Variants in FAM229A observed in about 807,000 individuals in gnomAD.
FAM229A encodes the protein protein FAM229A.
A neutral mutation model predicts 10.0 loss-of-function variants in FAM229A; 9 were observed. The observed-to-expected ratio is 0.90, with a 90% CI of 0.54 to 1.56. FAM229A has a LOEUF of 1.56. Ranked by LOEUF, FAM229A falls within the 40% of genes most tolerant of loss-of-function variation. The pLI is 0.00. For synonymous variants in FAM229A, 93 were observed against 90.1 expected (o/e 1.03, Z -0.19); for missense variants, 196 against 197.6 (o/e 0.99, Z 0.05).
In FAM229A at chr1:32,362,199, G is replaced by A. The variant is rs1641715404; in HGVS notation, c.-108C>T. 7.9e-7 allele frequency: 1 copy of A among 1,272,324 alleles called. No homozygotes were observed. The highest frequency in any genetic ancestry group is 2.5e-5 in the South Asian group (1 of 40,266). The allele number at this position is 1,272,324 out of a possible 1,614,324, so 78.8% of individuals were successfully genotyped here. ...TGGCACTCAGCGCGGGCCAGAATCG[G>A]GGACTGGAGGCCTCTGGCCATGGCG... On this transcript the variant is annotated 5_prime_UTR_variant, in exon 1 of 3. Coordinates refer to ENST00000432622, the MANE Select transcript of FAM229A (RefSeq NM_001167676.2).
In FAM229A at chr1:32,362,058, C is replaced by A; in HGVS notation, c.34G>T (p.Ala12Ser). Residue 12 changes from alanine to serine, a missense_variant, in exon 1 of 3, where the codon GCC (alanine) becomes TCC (serine). Transcript: ENST00000432622. ...GGCGGAGCCGGGCAGGTCTCTGTGGCGTGCCCGGGCCCGGGCGTCGAGGAG... is the reference window on the plus strand; with the variant it reads ...GGCGGAGCCGGGCAGGTCTCTGTGGAGTGCCCGGGCCCGGGCGTCGAGGAG... ...LPSSTPGPGH[A>S]TETCPAPPGP... is the part of the protein sequence containing the mutation. The A allele has an allele frequency of 6.9e-7, 1 of 1,442,246 alleles. No homozygotes were observed. The allele number at this position is 1,442,246 out of a possible 1,614,324, so 89.3% of individuals were successfully genotyped here. A position where few individuals can be genotyped will look rare whatever the true frequency, so the allele number is the denominator to read the frequency against.
Position 32,362,449 on chromosome 1 carries a change from A to G in FAM229A, c.-358T>C. ...TTTGGTGGTGGTAGTGAGGGCAGGT[A>G]GGGGCACTGCCCATTTTGGCCAAGG... On this transcript the variant is annotated 5_prime_UTR_variant, in exon 1 of 3. Coordinates refer to ENST00000432622, the MANE Select transcript of FAM229A (RefSeq NM_001167676.2). 2 of 534,698 alleles carry G rather than the reference A, an allele frequency of 3.7e-6. No individual in the cohort carries two copies. The highest frequency in any genetic ancestry group is 3.0e-5 in the South Asian group (1 of 33,522). 33.1% of individuals were successfully genotyped at this position (534,698 alleles called of 1,614,324 possible). A position where few individuals can be genotyped will look rare whatever the true frequency, so the allele number is the denominator to read the frequency against.
Position 32,362,266 on chromosome 1 carries a change from G to A in FAM229A, c.-175C>T, listed in dbSNP as rs1472785265. ...CGCAGACCCCGGACACCCGAGGGGG[G>A]CGCAGCAGGCCAGGGCAACCCGCCG... On this transcript the variant is annotated 5_prime_UTR_variant, in exon 1 of 3. Transcript: ENST00000432622. 5 of 937,530 alleles carry A rather than the reference G, an allele frequency of 5.3e-6. No individual in the cohort carries two copies. Among genetic ancestry groups the A allele is most frequent in the South Asian group, 3.7e-5 (1 of 26,890 alleles). The allele number at this position is 937,530 out of a possible 1,614,324, so 58.1% of individuals were successfully genotyped here.
In FAM229A at chr1:32,362,134, C is replaced by T; in HGVS notation, c.-43G>A. 7.5e-7 allele frequency: 1 copy of T among 1,325,864 alleles called. No individual in the cohort carries two copies. Among genetic ancestry groups the T allele is most frequent in the Non-Finnish European group, 9.6e-7 (1 of 1,039,476 alleles). The allele number at this position is 1,325,864 out of a possible 1,614,324, so 82.1% of individuals were successfully genotyped here. ...CGCGCTGACCTCACAGAGCACGTTC[C>T]TCCCACTGGAGAACCCCCAACGGTG... On this transcript the variant is annotated 5_prime_UTR_variant, in exon 1 of 3. Transcript: ENST00000432622.
rs1553161421 is a variant in FAM229A, at chr1:32,361,272, G to GAATAAAGTGGAAT, written c.*160_*161insATTCCACTTTATT. 2.4e-6 allele frequency: 1 copy of GAATAAAGTGGAAT among 414,230 alleles called. No individual in the cohort carries two copies. The highest frequency in any genetic ancestry group is 4.1e-6 in the Non-Finnish European group (1 of 241,618). The allele number at this position is 414,230 out of a possible 1,614,324, so 25.7% of individuals were successfully genotyped here. ...AGACATACACTGCCAGCCCGGAGTG[G>GAATAAAGTGGAAT]AAAGAACAGTTTGTGCTGTGCTTTA... On this transcript the variant is annotated 3_prime_UTR_variant, in exon 3 of 3. Transcript: ENST00000432622.
chr1:32,361,884 G>A lies in FAM229A; in HGVS notation c.135-8C>T. Reference sequence around the variant, plus strand: ...TCCAAGCCCCGGGGCGCTCTGCGCGGGGAGTGGCGGTCAGGCCTCTCCCGG... The same window carrying A: ...TCCAAGCCCCGGGGCGCTCTGCGCGAGGAGTGGCGGTCAGGCCTCTCCCGG... On this transcript the variant is annotated splice_region_variant and splice_polypyrimidine_tract_variant and intron_variant, in intron 1 of 2. Coordinates refer to ENST00000432622, the MANE Select transcript of FAM229A (RefSeq NM_001167676.2). 9 of 1,345,652 alleles carry A rather than the reference G, an allele frequency of 6.7e-6. No homozygotes were observed. The highest frequency in any genetic ancestry group is 8.5e-6 in the Non-Finnish European group (9 of 1,053,190). The allele number at this position is 1,345,652 out of a possible 1,614,324, so 83.4% of individuals were successfully genotyped here. A position where few individuals can be genotyped will look rare whatever the true frequency, so the allele number is the denominator to read the frequency against.
Position 32,361,941 on chromosome 1 carries a change from C to A in FAM229A, c.134+17G>T, listed in dbSNP as rs1397786401. On this transcript the variant is annotated intron_variant, in intron 1 of 2. Transcript: ENST00000432622. The stretch of plus-strand genomic sequence containing the variant: ...GGGCGCCGCCGCCTCGCGCCCGCCC[C>A]CTGGGCCGTCGCTCACCTCCCGGCG... The A allele has an allele frequency of 2.8e-6, 4 of 1,445,712 alleles. No individual in the cohort carries two copies. In the South Asian group the frequency reaches 4.1e-5, roughly 15 times the overall value. The allele number at this position is 1,445,712 out of a possible 1,614,324, so 89.6% of individuals were successfully genotyped here. A position where few individuals can be genotyped will look rare whatever the true frequency, so the allele number is the denominator to read the frequency against.
At position 32,361,820 on chromosome 1, in the gene FAM229A, G is replaced by A; in HGVS notation, c.191C>T (p.Pro64Leu). Reference protein sequence around the residue: ...AQEPPQGRRFPIEAGDSRGLA... With the variant: ...AQEPPQGRRFLIEAGDSRGLA... ...GCCACGGGAGTCTCCGGCCTCAATG[G>A]GGAATCTCCGACCCTGCGGGGGCTC... The change falls in exon 2 of 3, where the codon CCC becomes CTC. Residue 64 changes from proline to leucine, a missense_variant. By Grantham distance (98) the Pro-to-Leu change is moderately conservative. Transcript: ENST00000432622. The A allele has an allele frequency of 3.2e-5, 42 of 1,330,950 alleles. No homozygotes were observed. The highest frequency in any genetic ancestry group is 3.8e-5 in the Non-Finnish European group (40 of 1,043,846). The allele number at this position is 1,330,950 out of a possible 1,614,324, so 82.4% of individuals were successfully genotyped here.
chr1:32,361,628 G>A, intron 2 of FAM229A, 93 bp from the exon 3 acceptor site: 1 of 1,252,946 alleles, frequency 8.0e-7, no homozygotes, highest in Non-Finnish European at 1.0e-6. Context: ...GGTCCCCGGG[G>A]GTCCGGACGT....
chr1:32,361,804 G>C lies in FAM229A; in HGVS notation c.207C>G (p.Asp69Glu). ...CGGGGGCGGCGGCAAGGCCACGGGA[G>C]TCTCCGGCCTCAATGGGGAATCTCC... ...QGRRFPIEAG[D>E]SRGLAAAPES... is the part of the protein sequence containing the mutation. Residue 69 changes from aspartate to glutamate, a missense_variant, in exon 2 of 3, where the codon GAC becomes GAG. Coordinates refer to ENST00000432622, the MANE Select transcript of FAM229A (RefSeq NM_001167676.2). 7 of 1,329,414 alleles carry C rather than the reference G, an allele frequency of 5.3e-6. No individual in the cohort carries two copies. The highest frequency in any genetic ancestry group is 6.7e-6 in the Non-Finnish European group (7 of 1,042,890). 82.4% of individuals were successfully genotyped at this position (1,329,414 alleles called of 1,614,324 possible).
chr1:32,362,264 G>A lies in FAM229A; in HGVS notation c.-173C>T. 1.1e-6 allele frequency: 1 copy of A among 945,430 alleles called. No individual in the cohort carries two copies. Among genetic ancestry groups the A allele is most frequent in the Non-Finnish European group, 1.4e-6 (1 of 713,628 alleles). The allele number at this position is 945,430 out of a possible 1,614,324, so 58.6% of individuals were successfully genotyped here. A position where few individuals can be genotyped will look rare whatever the true frequency, so the allele number is the denominator to read the frequency against. ...CGCGCAGACCCCGGACACCCGAGGG[G>A]GGCGCAGCAGGCCAGGGCAACCCGC... is the stretch of plus-strand genomic sequence containing the variant. On this transcript the variant is annotated 5_prime_UTR_variant, in exon 1 of 3. Coordinates refer to ENST00000432622, the MANE Select transcript of FAM229A (RefSeq NM_001167676.2).
At position 32,362,419 on chromosome 1, in the gene FAM229A, C is replaced by T. The variant is rs1641719949; in HGVS notation, c.-328G>A. 2.0e-6 allele frequency: 1 copy of T among 488,024 alleles called. No homozygotes were observed. The highest frequency in any genetic ancestry group is 3.7e-5 in the Admixed American group (1 of 27,332). The allele number at this position is 488,024 out of a possible 1,614,324, so 30.2% of individuals were successfully genotyped here. A position where few individuals can be genotyped will look rare whatever the true frequency, so the allele number is the denominator to read the frequency against. ...GGGCTCGGCGGTGACTTAATCCGGG[C>T]TGAGTTTGGTGGTGGTAGTGAGGGC... On this transcript the variant is annotated 5_prime_UTR_variant, in exon 1 of 3. Transcript: ENST00000432622.
chr1:32,361,612 ACCTGGGGTCC>A, intron 2 of FAM229A, 77 bp from the exon 3 acceptor site: 1 of 1,245,400 alleles, frequency 8.0e-7, no homozygotes, highest in Non-Finnish European at 1.0e-6. Context: ...CAGGGAGTGC[ACCTGGGGTCC>A]CCGGGGGTCC....
At chr1:32,361,704 A>C (rs1156432218) in intron 2 of FAM229A, 26 bp downstream of exon 2, 4 of 1,053,210 alleles carry the variant, frequency 3.8e-6, no homozygotes, top group Admixed American at 1.2e-4. Flanking sequence ...GGACGGGCGG[A>C]GGCGGGGGTG....
intron 2 of FAM229A, 56 bp from the exon 3 acceptor site, chr1:32,361,591 T>TG (rs1228059192): frequency 7.9e-7 from 1 of 1,271,580 alleles, no homozygotes; most frequent in African/African-American, 1.6e-5. Flanking sequence ...GCCCATCCTG[T>TG]GGGGCGCACC....
chr1:32,361,408 G>C lies in FAM229A; in HGVS notation c.*25C>G. 8.0e-7 allele frequency: 1 copy of C among 1,250,774 alleles called. No homozygotes were observed. The highest frequency in any genetic ancestry group is 1.0e-6 in the Non-Finnish European group (1 of 986,552). The allele number at this position is 1,250,774 out of a possible 1,614,324, so 77.5% of individuals were successfully genotyped here. ...GGGGCCTCGTTCCCGCCCAGCTCCC[G>C]CGGAGCCGCAGGGAGCAGGCGCACT... On this transcript the variant is annotated 3_prime_UTR_variant, in exon 3 of 3. Coordinates refer to ENST00000432622, the MANE Select transcript of FAM229A (RefSeq NM_001167676.2).
In FAM229A at chr1:32,361,779, CG is replaced by C. The variant is rs1359343543; in HGVS notation, c.231del (p.Glu78SerfsTer9). ...AGDSRGLAAA[P>X]ESQDSPEAVA... is the part of the protein sequence containing the mutation. The stretch of plus-strand genomic sequence containing the variant: ...ACCGCCTCCGGGCTGTCCTGGGACT[CG>C]GGGGCGGCGGCAAGGCCACGGGAGT... On this transcript the variant is annotated frameshift_variant, in exon 2 of 3. Coordinates refer to ENST00000432622, the MANE Select transcript of FAM229A (RefSeq NM_001167676.2). LOFTEE classifies it high-confidence loss of function. The C allele has an allele frequency of 3.8e-6, 5 of 1,323,094 alleles. No individual in the cohort carries two copies. Among genetic ancestry groups the C allele is most frequent in the Admixed American group, 4.1e-5 (1 of 24,170 alleles). 82.0% of individuals were successfully genotyped at this position (1,323,094 alleles called of 1,614,324 possible). A position where few individuals can be genotyped will look rare whatever the true frequency, so the allele number is the denominator to read the frequency against.
Position 32,362,166 on chromosome 1 carries a change from G to A in FAM229A, c.-75C>T. On this transcript the variant is annotated 5_prime_UTR_variant, in exon 1 of 3. It introduces an in-frame stop codon into an upstream open reading frame of the 5' UTR. Coordinates refer to ENST00000432622, the MANE Select transcript of FAM229A (RefSeq NM_001167676.2). ...TGGAGAACCCCCAACGGTGCCCCCTGCCGCCCCTGGCACTCAGCGCGGGCC... is the reference window on the plus strand; with the variant it reads ...TGGAGAACCCCCAACGGTGCCCCCTACCGCCCCTGGCACTCAGCGCGGGCC... 7.7e-7 allele frequency: 1 copy of A among 1,298,306 alleles called. No individual in the cohort carries two copies. The highest frequency in any genetic ancestry group is 2.3e-5 in the South Asian group (1 of 44,026). The allele number at this position is 1,298,306 out of a possible 1,614,324, so 80.4% of individuals were successfully genotyped here.
Position 32,361,422 on chromosome 1 carries a change from A to G in FAM229A, c.*11T>C, listed in dbSNP as rs1641699950. 7.6e-7 allele frequency: 1 copy of G among 1,315,140 alleles called. No individual in the cohort carries two copies. The highest frequency in any genetic ancestry group is 9.7e-7 in the Non-Finnish European group (1 of 1,030,050). 81.5% of individuals were successfully genotyped at this position (1,315,140 alleles called of 1,614,324 possible). A position where few individuals can be genotyped will look rare whatever the true frequency, so the allele number is the denominator to read the frequency against. Reference sequence around the variant, plus strand: ...GCCCAGCTCCCGCGGAGCCGCAGGGAGCAGGCGCACTCACGTGGCGCGGGC... The same window carrying G: ...GCCCAGCTCCCGCGGAGCCGCAGGGGGCAGGCGCACTCACGTGGCGCGGGC... On this transcript the variant is annotated 3_prime_UTR_variant, in exon 3 of 3. Transcript: ENST00000432622.
Sources: gnomAD v4.1 joint callset for allele counts on GRCh38, gnomAD v4.1.1 for gene constraint, MANE v1.5 for transcripts, NCBI Gene and HGNC (gene_info 2026-07-23, HGNC 2026-07-21) for gene names.